Variants in PTPRD observed in about 807,000 individuals in gnomAD.
PTPRD encodes protein tyrosine phosphatase receptor type D.
In PTPRD, 34 loss-of-function variants were observed where a neutral mutation model predicts 214.5. That is an observed-to-expected ratio of 0.16 (90% confidence interval 0.12 to 0.21). PTPRD has a LOEUF of 0.21. Among genes scored for constraint, PTPRD ranks in the 10% least tolerant of loss-of-function variants. The pLI, the probability that PTPRD is intolerant of heterozygous loss-of-function variation, is 1.00. For missense variants in PTPRD, 2,545 were observed against 2,398.7 expected (o/e 1.06, Z -1.27); for synonymous variants, 1,128 against 845.7 (o/e 1.33, Z -5.79).
chr9:9,908,961 T>G (rs2078401859), intron 5 of PTPRD, among the ~76,000 whole-genome samples: 1 of 152,138 alleles, frequency 6.6e-6, no homozygotes, highest in Admixed American at 6.6e-5. Flanking sequence ...TATCTGAAAC[T>G]ATTATATAGC....
At chr9:9,129,409 G>T (rs970230204) in intron 10 of PTPRD, among the ~76,000 whole-genome samples, 4 of 151,716 alleles carry the variant, frequency 2.6e-5, no homozygotes, top group Non-Finnish European at 5.9e-5. Flanking sequence ...ATAAATAAGA[G>T]AATTAAATAT....
rs550152370 is a variant in PTPRD at position 8,720,956 on chromosome 9, G to T, written c.64+12824C>A. ...CTGTTCTGCCTCTTCTCTGGACAGG[G>T]AATCATGAGTGTGTGTTTTAGGTCC... On this transcript the variant is annotated intron_variant, in intron 12 of 45. Coordinates refer to ENST00000381196, the MANE Select transcript of PTPRD (RefSeq NM_002839.4). Among the ~76,000 whole-genome samples, 4 of 151,922 alleles carry T rather than the reference G, an allele frequency of 2.6e-5. No homozygotes were observed. In the South Asian group the frequency reaches 8.3e-4, roughly 32 times the overall value.
chr9:8,815,193 C>A (rs2096896393), intron 11 of PTPRD, among the ~76,000 whole-genome samples: 1 of 151,668 alleles, frequency 6.6e-6, no homozygotes, highest in Non-Finnish European at 1.5e-5. Flanking sequence ...AGAGTAGAAG[C>A]AGGCATTTGA....
intron 2 of PTPRD, among the ~76,000 whole-genome samples, chr9:10,493,416 A>C (rs2041012101): frequency 6.6e-6 from 1 of 152,148 alleles, no homozygotes; most frequent in South Asian, 2.1e-4. Flanking sequence ...GACCAATGGA[A>C]CAGAACAGAG....
At chr9:10,356,092 T>C (rs1038117044) in intron 2 of PTPRD, among the ~76,000 whole-genome samples, 1 of 151,702 alleles carries the variant, frequency 6.6e-6, no homozygotes, top group Admixed American at 6.6e-5. Context: ...GAGGGAGCTT[T>C]AAATAAAAGA....
At chr9:8,713,509 G>A in intron 12 of PTPRD, 2 of 1,179,322 alleles carry the variant, frequency 1.7e-6, no homozygotes, top group East Asian at 4.7e-5. Flanking sequence ...CTGTGGTCAG[G>A]TGTTTGAGAA....
intron 5 of PTPRD, among the ~76,000 whole-genome samples, chr9:9,775,043 A>G (rs990172152): frequency 1.3e-5 from 2 of 152,316 alleles, no homozygotes; most frequent in East Asian, 3.9e-4. Context: ...GAAGGAAGTA[A>G]GTCCCTCATT....
At chr9:8,440,308 AG>A (rs2095504285) in intron 34 of PTPRD, among the ~76,000 whole-genome samples, 1 of 138,428 alleles carries the variant, frequency 7.2e-6, no homozygotes, top group African/African-American at 2.7e-5. Context: ...AATGTACAAT[AG>A]AAATGTATTA....
intron 4 of PTPRD, among the ~76,000 whole-genome samples, chr9:9,992,833 G>C (rs529993945): frequency 1.4e-4 from 22 of 152,150 alleles, no homozygotes; most frequent in African/African-American, 4.6e-4. Context: ...ATAGCATTAG[G>C]AGATAAACCC....
intron 11 of PTPRD, among the ~76,000 whole-genome samples, chr9:8,786,440 C>T (rs574040385): frequency 7.9e-5 from 10 of 126,274 alleles, no homozygotes; most frequent in East Asian, 2.4e-4. Context: ...GACAGAGTCT[C>T]GCTCTGTCGC....
intron 6 of PTPRD, among the ~76,000 whole-genome samples, chr9:9,763,311 A>G (rs1369003208): frequency 6.6e-6 from 1 of 152,124 alleles, no homozygotes; most frequent in Admixed American, 6.6e-5. Flanking sequence ...TTTTCTAAGC[A>G]TTTTCCTGAA....
chr9:10,338,512 C>T (rs1385673308), intron 3 of PTPRD, among the ~76,000 whole-genome samples: 1 of 151,698 alleles, frequency 6.6e-6, no homozygotes, highest in Non-Finnish European at 1.5e-5. Flanking sequence ...ATCCCAAAAC[C>T]CCACAAGGTT....
In PTPRD at chr9:8,518,230, C is replaced by G. The variant is rs779673772; in HGVS notation, c.1161G>C (p.Ser387=). The part of the protein sequence containing the change: ...RYSVAGLSPY[S]DYEFRVVAVN... ...CAGCAACAACCCTGAATTCATAATC[C>G]GAGTAGGGACTTAGTCCAGCGACAC... The change falls in exon 21 of 46, where the codon TCG becomes TCC. Residue 387 remains serine, a synonymous_variant. Transcript: ENST00000381196. 2.5e-6 allele frequency: 4 copies of G among 1,614,106 alleles called. No homozygotes were observed. The highest frequency in any genetic ancestry group is 2.5e-6 in the Non-Finnish European group (3 of 1,180,002).
At chr9:9,501,217 T>A (rs547766214) in intron 8 of PTPRD, among the ~76,000 whole-genome samples, 1 of 152,062 alleles carries the variant, frequency 6.6e-6, no homozygotes, top group African/African-American at 2.4e-5. Context: ...GATTGTCAAA[T>A]TGGACAAATA....
chr9:9,699,268 T>C (rs1193891370), intron 7 of PTPRD, among the ~76,000 whole-genome samples: 5 of 152,150 alleles, frequency 3.3e-5, no homozygotes, highest in African/African-American at 7.2e-5. Context: ...GACCTAGGTG[T>C]TTTTTCAAGC....
intron 11 of PTPRD, among the ~76,000 whole-genome samples, chr9:9,000,630 C>A (rs2099414365): frequency 6.6e-6 from 1 of 151,890 alleles, no homozygotes; most frequent in African/African-American, 2.4e-5. Flanking sequence ...ATCTGGACAC[C>A]TGACATTTTA....
At chr9:9,966,687 A>G (rs528091516) in intron 4 of PTPRD, among the ~76,000 whole-genome samples, 2 of 152,166 alleles carry the variant, frequency 1.3e-5, no homozygotes, top group Non-Finnish European at 2.9e-5. Flanking sequence ...GGGAAAGTCC[A>G]TCATATGAAT....
chr9:10,194,491 G>A (rs1346970008), intron 3 of PTPRD, among the ~76,000 whole-genome samples: 2 of 151,408 alleles, frequency 1.3e-5, no homozygotes, highest in African/African-American at 4.9e-5. Flanking sequence ...GGAATCTGAG[G>A]TTGAAAGATG....
chr9:8,643,867 A>G (rs541820319), intron 12 of PTPRD, among the ~76,000 whole-genome samples: 2 of 152,310 alleles, frequency 1.3e-5, no homozygotes, highest in Admixed American at 1.3e-4. Context: ...CAGGAGGCAG[A>G]CAGGCTCCTG....
Sources: allele counts gnomAD v4.1 joint callset (sites outside exome capture counted in the v4.1 genomes callset), GRCh38; gene constraint gnomAD v4.1.1; transcripts MANE v1.5; gene names NCBI Gene and HGNC (gene_info 2026-07-23, HGNC 2026-07-21).